SGPP1: variants seen among roughly 807,000 people sequenced by gnomAD.
The protein encoded by SGPP1 is sphingosine-1-phosphate phosphatase 1.
A neutral mutation model predicts 33.0 loss-of-function variants in SGPP1; 21 were observed. The ratio of observed to expected loss-of-function variants is 0.64; its 90% CI spans 0.45 to 0.92. SGPP1 has a LOEUF of 0.92. Among genes scored for constraint, SGPP1 ranks in the 40% least tolerant of loss-of-function variants. The pLI is 0.00. For missense variants in SGPP1, 543 were observed against 589.4 expected, an observed-to-expected ratio of 0.92 and a Z score of 0.81; for synonymous variants, 239 against 241.2, an observed-to-expected ratio of 0.99 and a Z score of 0.08.
chr14:63,711,268 G>A (rs1291484699), intron 1 of SGPP1, among the ~76,000 whole-genome samples: 2 of 152,068 alleles, frequency 1.3e-5, no homozygotes, highest in Non-Finnish European at 2.9e-5. Context: ...GCCCACCTCG[G>A]TCTCCCAAAG....
chr14:63,718,989 TATATATATATATATA>T (rs1566536542), intron 1 of SGPP1, among the ~76,000 whole-genome samples: 1 of 17,886 alleles, frequency 5.6e-5, no homozygotes, highest in Non-Finnish European at 1.1e-4. Context: ...TATATATATA[TATATATATATATATA>T]TATATATATA....
At chr14:63,690,573 T>C (rs1885073831) in intron 2 of SGPP1, among the ~76,000 whole-genome samples, 1 of 152,210 alleles carries the variant, frequency 6.6e-6, no homozygotes, top group African/African-American at 2.4e-5. Context: ...TCAAATATTT[T>C]TTGGATGGAT....
At chr14:63,699,370 G>C (rs1449568857) in intron 1 of SGPP1, among the ~76,000 whole-genome samples, 1 of 152,096 alleles carries the variant, frequency 6.6e-6, no homozygotes, top group Non-Finnish European at 1.5e-5. Context: ...GATGGGCATG[G>C]TGGTAAGTTT....
Position 63,723,556 on chromosome 14 carries a change from T to C in SGPP1, c.684+3705A>G, listed in dbSNP as rs560978356. Among the ~76,000 whole-genome samples, 308 of 151,864 alleles carry C rather than the reference T, an allele frequency of 2.0e-3. 1 individual carries two copies. Among genetic ancestry groups the C allele is most frequent in the Non-Finnish European group, 3.5e-3 (238 of 67,966 alleles). ...CAACATGGTGAAACCCCGTCTCTAC[T>C]AAAAATACAAACATTAGCCGGGGGT... On this transcript the variant is annotated intron_variant, in intron 1 of 2. Transcript: ENST00000247225.
At chr14:63,705,907 C>T (rs191833093) in intron 1 of SGPP1, among the ~76,000 whole-genome samples, 57 of 152,254 alleles carry the variant, frequency 3.7e-4, no homozygotes, top group Admixed American at 2.4e-3. Flanking sequence ...AATTACCATA[C>T]GACCCACACA....
intron 1 of SGPP1, among the ~76,000 whole-genome samples, chr14:63,718,532 G>A (rs913651265): frequency 7.9e-5 from 12 of 152,076 alleles, no homozygotes; most frequent in Non-Finnish European, 1.3e-4. Context: ...AAATAATAAC[G>A]ATGAATTGTG....
intron 1 of SGPP1, among the ~76,000 whole-genome samples, chr14:63,704,716 A>T (rs866266796): frequency 8.5e-5 from 13 of 152,290 alleles, no homozygotes; most frequent in Admixed American, 2.0e-4. Context: ...AAAAATTTTT[A>T]AAAGAAAACA....
chr14:63,686,712 TA>T, intron 2 of SGPP1, 56 bp from the exon 3 acceptor site: 1 of 1,221,644 alleles, frequency 8.2e-7, no homozygotes, highest in Non-Finnish European at 1.1e-6. Context: ...TTTTGGCATT[TA>T]AAAAATAATT....
At chr14:63,699,872 G>GC (rs1885260702) in intron 1 of SGPP1, among the ~76,000 whole-genome samples, 1 of 151,832 alleles carries the variant, frequency 6.6e-6, no homozygotes, top group Non-Finnish European at 1.5e-5. Context: ...ATTTTTTGCT[G>GC]CATTTCCCAC....
chr14:63,688,006 T>C (rs1250984795), intron 2 of SGPP1, among the ~76,000 whole-genome samples: 1 of 151,834 alleles, frequency 6.6e-6, no homozygotes. Flanking sequence ...ACACCGATAA[T>C]CCCAACTACT....
At position 63,727,950 on chromosome 14, in the gene SGPP1, C is replaced by G. The variant is rs1437210370; in HGVS notation, c.-6G>C. On this transcript the variant is annotated 5_prime_UTR_variant, in exon 1 of 3. Transcript: ENST00000247225. ...AGGCGCTGCCTCAGCGACATGATAA[C>G]GGAACCCCCGGGAAGGCGGGCCGGC... 1 of 1,542,632 alleles carries G rather than the reference C, an allele frequency of 6.5e-7. No individual in the cohort carries two copies. The highest frequency in any genetic ancestry group is 8.7e-7 in the Non-Finnish European group (1 of 1,153,924).
In SGPP1 at chr14:63,686,077, C is replaced by T; in HGVS notation, c.*28G>A. 1 of 1,430,954 alleles carries T rather than the reference C, an allele frequency of 7.0e-7. No individual in the cohort carries two copies. Among genetic ancestry groups the T allele is most frequent in the Non-Finnish European group, 9.4e-7 (1 of 1,062,402 alleles). 88.6% of individuals were successfully genotyped at this position (1,430,954 alleles called of 1,614,324 possible). ...TTGGGTATCAGTAACTGATACCCTC[C>T]TTTCTTATCATAAACAATACTTCTC... On this transcript the variant is annotated 3_prime_UTR_variant, in exon 3 of 3. Transcript: ENST00000247225.
chr14:63,693,473 A>G (rs911470777), intron 2 of SGPP1, among the ~76,000 whole-genome samples: 3 of 152,258 alleles, frequency 2.0e-5, no homozygotes, highest in Non-Finnish European at 4.4e-5. Flanking sequence ...TAAACTTTGT[A>G]CTTTTCACAT....
chr14:63,715,673 A>T (rs1188770587), intron 1 of SGPP1, among the ~76,000 whole-genome samples: 1 of 152,170 alleles, frequency 6.6e-6, no homozygotes, highest in Non-Finnish European at 1.5e-5. Flanking sequence ...GTATCCTCAG[A>T]AGCCAAAGAG....
chr14:63,709,759 C>T (rs1002795642), intron 1 of SGPP1, among the ~76,000 whole-genome samples: 4 of 152,092 alleles, frequency 2.6e-5, no homozygotes, highest in Non-Finnish European at 5.9e-5. Context: ...CAAAACAGAT[C>T]ACATGACATC....
In SGPP1 at chr14:63,709,601, T is replaced by A. The variant is rs1885482995; in HGVS notation, c.685-10943A>T. Among the ~76,000 whole-genome samples, 4 of 152,180 alleles carry A rather than the reference T, an allele frequency of 2.6e-5. No individual in the cohort carries two copies. In the South Asian group the frequency reaches 8.3e-4, roughly 32 times the overall value. The stretch of plus-strand genomic sequence containing the variant: ...CTGTTTTCATTTTCATAGAGAATGT[T>A]GAGCTGTATCTGTGGCATTTATGTA... On this transcript the variant is annotated intron_variant, in intron 1 of 2. Coordinates refer to ENST00000247225, the MANE Select transcript of SGPP1 (RefSeq NM_030791.4).
intron 1 of SGPP1, among the ~76,000 whole-genome samples, chr14:63,710,307 A>G (rs1057151019): frequency 6.6e-6 from 1 of 152,216 alleles, no homozygotes; most frequent in African/African-American, 2.4e-5. Flanking sequence ...AAGGATTCAT[A>G]TTTTTAAATG....
chr14:63,702,175 C>T (rs1170100690), intron 1 of SGPP1, among the ~76,000 whole-genome samples: 1 of 152,094 alleles, frequency 6.6e-6, no homozygotes, highest in Non-Finnish European at 1.5e-5. Context: ...ACTTAACCCA[C>T]ATTTATTCAA....
intron 1 of SGPP1, among the ~76,000 whole-genome samples, chr14:63,701,892 T>A (rs1885306012): frequency 1.5e-5 from 2 of 137,486 alleles, no homozygotes; most frequent in Admixed American, 7.4e-5. Flanking sequence ...ACCTTTAAAG[T>A]CTAATTTTTA....
Sources: allele counts gnomAD v4.1 joint callset (sites outside exome capture counted in the v4.1 genomes callset), GRCh38; gene constraint gnomAD v4.1.1; transcripts MANE v1.5; gene names NCBI Gene and HGNC (gene_info 2026-07-23, HGNC 2026-07-21).